TGIF1: variants seen among roughly 807,000 people sequenced by gnomAD.
TGIF1 encodes homeobox protein TGIF1.
A neutral mutation model predicts 19.3 loss-of-function variants in TGIF1; 4 were observed. That is an observed-to-expected ratio of 0.21 (90% CI 0.10 to 0.47). The LOEUF (loss-of-function observed/expected upper bound fraction) is 0.47, where lower values mean the gene tolerates loss of function less well. TGIF1 is among the 20% of genes least tolerant of loss of function. The pLI is 0.98. For synonymous variants in TGIF1, 122 were observed against 129.3 expected (o/e 0.94, Z 0.38); for missense variants, 275 against 341.4 (o/e 0.81, Z 1.53).
chr18:3,449,633 T>C, upstream of TGIF1: 2 of 971,942 alleles, frequency 2.1e-6, no homozygotes, highest in Non-Finnish European at 2.4e-6. Context: ...CGCGTGTCAA[T>C]GGCAGCCGCG....
rs2143408430 is a variant in TGIF1, at chr18:3,456,617, T to G, written c.243+37T>G. The G allele has an allele frequency of 6.3e-7, 1 of 1,594,830 alleles. No individual in the cohort carries two copies. The highest frequency in any genetic ancestry group is 8.6e-7 in the Non-Finnish European group (1 of 1,163,496). On this transcript the variant is annotated intron_variant, in intron 2 of 2. Transcript: ENST00000343820. This position sits in a 1 kb window ranked among gnomAD's most constrained non-coding sequence, Gnocchi z 4.2. ...GAGCGTGAGGTTTATGGATGCATTT[T>G]TAGTTTCAAAGTCATTTTATGGCAT...
At chr18:3,445,604 G>T (rs2082731020), upstream of TGIF1, among the ~76,000 whole-genome samples, 1 of 150,668 alleles carries the variant, frequency 6.6e-6, no homozygotes, top group African/African-American at 2.4e-5. Context: ...GGTGCCTGTG[G>T]TCCCAGCTAC....
At chr18:3,448,073 C>A (rs1029173899), upstream of TGIF1, 30 of 947,780 alleles carry the variant, frequency 3.2e-5, 1 homozygote, top group African/African-American at 1.9e-5. Context: ...CTAAAGCGGG[C>A]GGGGGGGGAG....
rs531616738 is a variant in TGIF1, at chr18:3,430,526, G to A, written c.-45+12311G>A. ...GTTTTGTTTTTTCTTTTTTTGAGAC[G>A]AAGTCTTGCTCTGTCACCCAGGCTG... On this transcript the variant is annotated intron_variant, in intron 2 of 3. Transcript: ENST00000401449. Among the ~76,000 whole-genome samples, 187 of 151,836 alleles carry A rather than the reference G, an allele frequency of 1.2e-3. 2 individuals are homozygous for A. Among genetic ancestry groups the A allele is most frequent in the African/African-American group, 4.3e-3 (178 of 41,430 alleles).
At chr18:3,426,400 C>A (rs940693873) in intron 2 of TGIF1, among the ~76,000 whole-genome samples, 1 of 151,988 alleles carries the variant, frequency 6.6e-6, no homozygotes. Context: ...AACTCCTGAC[C>A]TCCAGCGATC....
chr18:3,438,096 G>A (rs77949624), intron 2 of TGIF1, among the ~76,000 whole-genome samples: 1 of 151,746 alleles, frequency 6.6e-6, no homozygotes, highest in Non-Finnish European at 1.5e-5. Flanking sequence ...AAAAAAAAAA[G>A]TGACAAGTGA....
In TGIF1 at chr18:3,422,539, T is replaced by C. The variant is rs572871568; in HGVS notation, c.-45+4324T>C. Among the ~76,000 whole-genome samples, 17 of 151,912 alleles carry C rather than the reference T, an allele frequency of 1.1e-4. No homozygotes were observed. In the South Asian group the frequency reaches 3.5e-3, roughly 32 times the overall value. Reference sequence around the variant, plus strand: ...TAAAATGTAGCCAAAGTGTATATCATTTATAAAGTCTACAATAGTGTACAG... The same window carrying C: ...TAAAATGTAGCCAAAGTGTATATCACTTATAAAGTCTACAATAGTGTACAG... On this transcript the variant is annotated intron_variant, in intron 2 of 3. Transcript: ENST00000401449.
Position 3,457,572 on chromosome 18 carries a change from A to G in TGIF1, c.451A>G (p.Thr151Ala), listed in dbSNP as rs121909068. 1.1e-4 allele frequency: 173 copies of G among 1,613,910 alleles called. 4 individuals carry two copies. The South Asian group carries it at 1.3e-3, about 12-fold the overall frequency. The part of the protein sequence containing the change: ...FHSCTAGPNP[T>A]LGRPLSPKPS... ...TTCCTGTACAGCTGGGCCAAACCCA[A>G]CCCTAGGGAGGCCACTGTCTCCTAA... Residue 151 changes from threonine (T) to alanine (A), a missense_variant, in exon 3 of 3, where the codon ACC (threonine) becomes GCC (alanine). Physicochemically the swap from Thr to Ala is moderately conservative, Grantham distance 58 (BLOSUM62 0). Coordinates refer to ENST00000343820, the MANE Select transcript of TGIF1 (RefSeq NM_003244.4). The surrounding 1 kb of genome is among the most constrained non-coding windows in gnomAD (Gnocchi z 4.9).
At chr18:3,454,198 T>C (rs945083568) in intron 1 of TGIF1, among the ~76,000 whole-genome samples, 5 of 152,200 alleles carry the variant, frequency 3.3e-5, no homozygotes, top group African/African-American at 1.2e-4. Context: ...TTGGTGTTGC[T>C]TAACTGAAAC....
chr18:3,450,166 T>C (rs2082857609), upstream of TGIF1: 1 of 1,280,182 alleles, frequency 7.8e-7, no homozygotes, highest in African/African-American at 1.5e-5. Context: ...CCTCCTCGCC[T>C]CTCTCACTCT....
At chr18:3,415,356 A>G (rs1005544485) in intron 1 of TGIF1, 6 of 402,556 alleles carry the variant, frequency 1.5e-5, no homozygotes, top group Non-Finnish European at 1.5e-5. Context: ...GCAAAAGCCT[A>G]TTGCGAAATG....
chr18:3,437,146 T>C (rs2082624581), intron 2 of TGIF1, among the ~76,000 whole-genome samples: 1 of 152,088 alleles, frequency 6.6e-6, no homozygotes. Context: ...CCCTCAATTT[T>C]ATTTACCCAG....
In TGIF1 at chr18:3,459,296, G is replaced by T. The variant is rs2049453727; in HGVS notation, c.*1356G>T. On this transcript the variant is annotated 3_prime_UTR_variant, in exon 3 of 3. Coordinates refer to ENST00000343820, the MANE Select transcript of TGIF1 (RefSeq NM_003244.4). ...GAAAAATACAAATTTGTCTAATTTT[G>T]AAACTATTTTAGAAAGTCCCTACTG... is the stretch of plus-strand genomic sequence containing the variant. 1 of 152,134 alleles carries T rather than the reference G, an allele frequency of 6.6e-6. No individual in the cohort carries two copies. Among genetic ancestry groups the T allele is most frequent in the African/African-American group, 2.4e-5 (1 of 41,426 alleles). 9.4% of individuals were successfully genotyped at this position (152,134 alleles called of 1,614,324 possible). A position where few individuals can be genotyped will look rare whatever the true frequency, so the allele number is the denominator to read the frequency against.
chr18:3,450,778 G>T (rs1183248779), intron 1 of TGIF1, among the ~76,000 whole-genome samples: 2 of 152,226 alleles, frequency 1.3e-5, no homozygotes, highest in Non-Finnish European at 2.9e-5. Context: ...GCGCCTGCAA[G>T]TTTCATTGTC....
At chr18:3,414,297 A>G (rs538147723) in intron 1 of TGIF1, among the ~76,000 whole-genome samples, 5 of 152,334 alleles carry the variant, frequency 3.3e-5, no homozygotes, top group Admixed American at 2.0e-4. Flanking sequence ...GATCACAATA[A>G]TCCCTAACAC....
intron 2 of TGIF1, among the ~76,000 whole-genome samples, chr18:3,430,382 T>C (rs1236402157): frequency 1.3e-5 from 2 of 152,054 alleles, no homozygotes; most frequent in East Asian, 3.8e-4. Context: ...TAAAATGGAG[T>C]TTTTATTAAT....
upstream of TGIF1, among the ~76,000 whole-genome samples, chr18:3,445,756 G>GAGAAAAA (rs2082735699): frequency 4.4e-5 from 1 of 22,746 alleles, no homozygotes; most frequent in African/African-American, 2.1e-4. Context: ...AAAAAAAAGA[G>GAGAAAAA]AAGAAAAGCA....
upstream of TGIF1, chr18:3,449,538 T>TGGGC: frequency 2.3e-5 from 22 of 961,824 alleles, no homozygotes; most frequent in Non-Finnish European, 2.5e-5. Flanking sequence ...GTCTCATCAT[T>TGGGC]CCCCCCCGCC....
intron 1 of TGIF1, among the ~76,000 whole-genome samples, chr18:3,412,514 G>T (rs2082284210): frequency 6.6e-6 from 1 of 152,220 alleles, no homozygotes; most frequent in Admixed American, 6.5e-5. Flanking sequence ...AGGAGCAGGT[G>T]CGCTTCTAAA....
Sources: allele counts gnomAD v4.1 joint callset (sites outside exome capture counted in the v4.1 genomes callset), GRCh38; gene constraint gnomAD v4.1.1; non-coding constraint Gnocchi (gnomAD v3.1); transcripts MANE v1.5; gene names NCBI Gene and HGNC (gene_info 2026-07-23, HGNC 2026-07-21).